EIF4EBP2: variants seen among roughly 807,000 people sequenced by gnomAD.
EIF4EBP2 encodes eukaryotic translation initiation factor 4E-binding protein 2.
In EIF4EBP2, 5 loss-of-function variants were observed where a neutral mutation model predicts 10.3. That is an observed-to-expected ratio of 0.48 (90% CI 0.25 to 1.02). The LOEUF (loss-of-function observed/expected upper bound fraction) is 1.02. Among genes scored for constraint, EIF4EBP2 ranks in the 50% least tolerant of loss-of-function variants. The pLI is 0.15. For missense variants in EIF4EBP2, 188 were observed against 162.2 expected (o/e 1.16, Z -0.86); for synonymous variants, 67 against 61.1 (o/e 1.10, Z -0.45).
At chr10:70,407,692 C>G (rs1328898404) in intron 1 of EIF4EBP2, among the ~76,000 whole-genome samples, 1 of 148,720 alleles carries the variant, frequency 6.7e-6, no homozygotes, top group South Asian at 2.1e-4. Context: ...TAGGAGCGGC[C>G]GGGCAGAGGC....
intron 1 of EIF4EBP2, among the ~76,000 whole-genome samples, chr10:70,419,132 A>G (rs913640322): frequency 2.0e-5 from 3 of 152,176 alleles, no homozygotes; most frequent in African/African-American, 7.2e-5. Flanking sequence ...TGTCTTTTTG[A>G]TAATAGCCAT....
chr10:70,421,071 A>G (rs1418147165), intron 2 of EIF4EBP2, among the ~76,000 whole-genome samples: 1 of 152,210 alleles, frequency 6.6e-6, no homozygotes, highest in Non-Finnish European at 1.5e-5. Flanking sequence ...CTGAGATTAC[A>G]GGTGTGAGCC....
chr10:70,414,102 A>G (rs1270173652), intron 1 of EIF4EBP2, among the ~76,000 whole-genome samples: 1 of 152,230 alleles, frequency 6.6e-6, no homozygotes, highest in East Asian at 1.9e-4. Context: ...AGATTTTTTA[A>G]TAGATTGTCT....
At chr10:70,406,974 T>A (rs1844970697) in intron 1 of EIF4EBP2, among the ~76,000 whole-genome samples, 1 of 152,194 alleles carries the variant, frequency 6.6e-6, no homozygotes, top group Non-Finnish European at 1.5e-5. Flanking sequence ...CTCGGCTCAC[T>A]GCAAGCTCTG....
intron 1 of EIF4EBP2, among the ~76,000 whole-genome samples, chr10:70,405,421 A>G (rs1216604517): frequency 6.6e-6 from 1 of 152,172 alleles, no homozygotes; most frequent in African/African-American, 2.4e-5. Flanking sequence ...GTAGAGGTGA[A>G]GCTTGGTCAC....
At chr10:70,418,798 T>C (rs1845125209) in intron 1 of EIF4EBP2, among the ~76,000 whole-genome samples, 1 of 152,210 alleles carries the variant, frequency 6.6e-6, no homozygotes, top group Non-Finnish European at 1.5e-5. Context: ...AAGTTTCTAC[T>C]TTCCTTGTCC....
chr10:70,409,696 G>A (rs549677892), intron 1 of EIF4EBP2, among the ~76,000 whole-genome samples: 235 of 152,290 alleles, frequency 1.5e-3, no homozygotes, highest in African/African-American at 5.3e-3. Context: ...TCCTTTCTAG[G>A]TGCTGAACTG....
chr10:70,421,846 C>A lies in EIF4EBP2; in HGVS notation c.*99C>A. ...CAGTGAAAAGACAGAAGAGGCAATA[C>A]CAGCAGTCCCCATTACAGTCTCCAC... On this transcript the variant is annotated 3_prime_UTR_variant, in exon 3 of 3. Transcript: ENST00000373218. 1 of 1,123,470 alleles carries A rather than the reference C, an allele frequency of 8.9e-7. No homozygotes were observed. The highest frequency in any genetic ancestry group is 1.3e-6 in the Non-Finnish European group (1 of 751,978). 69.6% of individuals were successfully genotyped at this position (1,123,470 alleles called of 1,614,324 possible). A position where few individuals can be genotyped will look rare whatever the true frequency, so the allele number is the denominator to read the frequency against.
At chr10:70,411,649 C>T (rs1845047804) in intron 1 of EIF4EBP2, among the ~76,000 whole-genome samples, 1 of 152,068 alleles carries the variant, frequency 6.6e-6, no homozygotes, top group African/African-American at 2.4e-5. Flanking sequence ...AAGATGATTT[C>T]TCACCATGTT....
At chr10:70,405,065 G>A (rs1844953466) in intron 1 of EIF4EBP2, among the ~76,000 whole-genome samples, 1 of 152,232 alleles carries the variant, frequency 6.6e-6, no homozygotes, top group Non-Finnish European at 1.5e-5. Context: ...GCCTCGCCCA[G>A]CGTTATCCCG....
intron 1 of EIF4EBP2, among the ~76,000 whole-genome samples, chr10:70,410,686 T>G (rs1159004904): frequency 6.6e-6 from 1 of 152,242 alleles, no homozygotes; most frequent in Non-Finnish European, 1.5e-5. Context: ...CTTTGTTAAG[T>G]CCTTTCTGTT....
rs997883187 is a variant in EIF4EBP2, at chr10:70,416,347, G to A, written c.146-3567G>A. On this transcript the variant is annotated intron_variant, in intron 1 of 2. Coordinates refer to ENST00000373218, the MANE Select transcript of EIF4EBP2 (RefSeq NM_004096.5). ...TGTAATCCTAACACTTTGGGAGGCCGAGCTGGGCAGATCACGAGGTCAAGA... is the reference window on the plus strand; with the variant it reads ...TGTAATCCTAACACTTTGGGAGGCCAAGCTGGGCAGATCACGAGGTCAAGA... Among the ~76,000 whole-genome samples, 9 of 152,106 alleles carry A rather than the reference G, an allele frequency of 5.9e-5. No individual in the cohort carries two copies. In the South Asian group the frequency reaches 1.4e-3, roughly 24 times the overall value.
At chr10:70,413,627 A>G (rs1033255856) in intron 1 of EIF4EBP2, among the ~76,000 whole-genome samples, 80 of 151,868 alleles carry the variant, frequency 5.3e-4, no homozygotes, top group African/African-American at 1.8e-3. Flanking sequence ...AAAAAAAAAA[A>G]AAAAGAAATC....
intron 1 of EIF4EBP2, among the ~76,000 whole-genome samples, chr10:70,418,608 GC>G (rs532491573): frequency 1.6e-4 from 24 of 152,226 alleles, no homozygotes; most frequent in Middle Eastern, 3.4e-3. Flanking sequence ...TCTGTTGAAG[GC>G]CATAAAGGGA....
chr10:70,414,665 C>T (rs1418277339), intron 1 of EIF4EBP2, among the ~76,000 whole-genome samples: 2 of 152,086 alleles, frequency 1.3e-5, no homozygotes, highest in Non-Finnish European at 2.9e-5. Flanking sequence ...GTCAGGAGTT[C>T]GAGACCAGCC....
At chr10:70,410,100 A>C (rs555654222) in intron 1 of EIF4EBP2, among the ~76,000 whole-genome samples, 25 of 151,566 alleles carry the variant, frequency 1.6e-4, no homozygotes, top group African/African-American at 5.6e-4. Context: ...ACAGAGTTTC[A>C]CTCTTGTTGC....
At chr10:70,416,309 G>A (rs895756515) in intron 1 of EIF4EBP2, among the ~76,000 whole-genome samples, 5 of 152,098 alleles carry the variant, frequency 3.3e-5, no homozygotes, top group Admixed American at 6.6e-5. Context: ...GGCCGGGCGC[G>A]GTGGCTCACG....
intron 1 of EIF4EBP2, among the ~76,000 whole-genome samples, chr10:70,407,971 C>T (rs1209664590): frequency 1.6e-5 from 2 of 124,210 alleles, no homozygotes; most frequent in Non-Finnish European, 3.4e-5. Context: ...GGGCGGCTGG[C>T]CGGGCGGGGG....
intron 1 of EIF4EBP2, among the ~76,000 whole-genome samples, chr10:70,413,355 G>C (rs1184822215): frequency 6.6e-6 from 1 of 152,038 alleles, no homozygotes; most frequent in Non-Finnish European, 1.5e-5. Context: ...GGCAGGCTTG[G>C]TGGCGTACAC....
Sources: gnomAD v4.1 joint callset for allele counts (sites outside exome capture counted in the v4.1 genomes callset) on GRCh38, gnomAD v4.1.1 for gene constraint, MANE v1.5 for transcripts, NCBI Gene and HGNC (gene_info 2026-07-23, HGNC 2026-07-21) for gene names.